Variants in ENTREP2 observed in about 807,000 individuals in gnomAD.
The protein encoded by ENTREP2 is protein ENTREP2.
chr15:29,314,818 G>A, the ENTREP2 span, among the ~76,000 whole-genome samples: 226 of 152,262 alleles, frequency 1.5e-3, no homozygotes, highest in Middle Eastern at 3.4e-3. Flanking sequence ...TTGGGAGGCC[G>A]AGGCGGGTGG....
the ENTREP2 span, among the ~76,000 whole-genome samples, chr15:29,368,046 G>C: frequency 8.6e-5 from 13 of 150,808 alleles, no homozygotes; most frequent in South Asian, 2.7e-3. Context: ...TCCCTGGCCT[G>C]GCACAGTGGC....
chr15:29,349,541 GGAA>G, the ENTREP2 span, among the ~76,000 whole-genome samples: 1 of 152,142 alleles, frequency 6.6e-6, no homozygotes, highest in East Asian at 1.9e-4. Context: ...GCCAGAAATA[GGAA>G]GAAGGCAGTG....
the ENTREP2 span, among the ~76,000 whole-genome samples, chr15:29,401,033 C>G: frequency 6.6e-6 from 1 of 152,204 alleles, no homozygotes; most frequent in Non-Finnish European, 1.5e-5. Context: ...AGCCTGGGCC[C>G]CGGAATGGAC....
chr15:29,444,937 T>C, the ENTREP2 span, among the ~76,000 whole-genome samples: 2 of 152,244 alleles, frequency 1.3e-5, no homozygotes, highest in African/African-American at 4.8e-5. Context: ...CCAATAAGGT[T>C]TAAGGATGGA....
chr15:29,354,764 G>T, the ENTREP2 span, among the ~76,000 whole-genome samples: 1 of 152,116 alleles, frequency 6.6e-6, no homozygotes, highest in African/African-American at 2.4e-5. Flanking sequence ...CAGAAAGAGA[G>T]ACTGGACCAG....
At chr15:29,520,866 A>T in the ENTREP2 span, among the ~76,000 whole-genome samples, 1 of 152,212 alleles carries the variant, frequency 6.6e-6, no homozygotes, top group Non-Finnish European at 1.5e-5. Flanking sequence ...ACAAAAGATA[A>T]GTAACTCCTG....
the ENTREP2 span, among the ~76,000 whole-genome samples, chr15:29,661,779 G>C: frequency 6.6e-6 from 1 of 152,120 alleles, no homozygotes. Context: ...TATTAAAGTA[G>C]TGTGAAAACT....
the ENTREP2 span, among the ~76,000 whole-genome samples, chr15:29,542,141 T>C: frequency 6.6e-6 from 1 of 152,146 alleles, no homozygotes; most frequent in Admixed American, 6.5e-5. Flanking sequence ...GCCTCCAGAG[T>C]AGCTGGGATT....
chr15:29,130,376 ATC>A, the ENTREP2 span, among the ~76,000 whole-genome samples: 4 of 152,278 alleles, frequency 2.6e-5, no homozygotes, highest in Admixed American at 6.5e-5. Context: ...AGTCCTGGAA[ATC>A]TCTGTCCAGA....
the ENTREP2 span, among the ~76,000 whole-genome samples, chr15:29,191,826 ATC>A: frequency 6.6e-6 from 1 of 152,126 alleles, no homozygotes; most frequent in African/African-American, 2.4e-5. Flanking sequence ...AGGTGGGAGG[ATC>A]TCTTGGGCCC....
the ENTREP2 span, chr15:29,381,682 T>C: frequency 1.6e-5 from 16 of 1,029,804 alleles, no homozygotes; most frequent in African/African-American, 1.3e-4. Context: ...TGAAAAGAAG[T>C]TGGAATTCTC....
the ENTREP2 span, among the ~76,000 whole-genome samples, chr15:29,619,673 G>A: frequency 6.6e-6 from 1 of 152,070 alleles, no homozygotes; most frequent in Non-Finnish European, 1.5e-5. Flanking sequence ...TGACTGCTCA[G>A]GAAAGAAGAG....
chr15:29,296,022 A>G, the ENTREP2 span, among the ~76,000 whole-genome samples: 543 of 152,288 alleles, frequency 3.6e-3, 4 homozygotes, highest in African/African-American at 0.012. Flanking sequence ...GCCTCAAGGG[A>G]ACAAGACTGA....
chr15:29,196,662 A>G, the ENTREP2 span: 1 of 1,325,400 alleles, frequency 7.5e-7, no homozygotes, highest in South Asian at 1.6e-5. Flanking sequence ...AAAATGGCTC[A>G]GTTCAAAGGA....
the ENTREP2 span, chr15:29,128,878 CAG>C: frequency 6.5e-7 from 1 of 1,545,258 alleles, no homozygotes; most frequent in Non-Finnish European, 8.7e-7. Context: ...CAGTAAGAAA[CAG>C]AAAGCGTCAA....
the ENTREP2 span, among the ~76,000 whole-genome samples, chr15:29,564,969 C>T: frequency 1.3e-5 from 2 of 152,122 alleles, no homozygotes; most frequent in African/African-American, 4.8e-5. Flanking sequence ...AAAACATGTT[C>T]TGAAGGGCAT....
At chr15:29,300,426 G>A in the ENTREP2 span, among the ~76,000 whole-genome samples, 1 of 149,248 alleles carries the variant, frequency 6.7e-6, no homozygotes, top group African/African-American at 2.6e-5. Flanking sequence ...TGGATGGATG[G>A]ATGGATGAGT....
chr15:29,557,734 G>A, the ENTREP2 span, among the ~76,000 whole-genome samples: 446 of 152,298 alleles, frequency 2.9e-3, 3 homozygotes, highest in African/African-American at 0.01. Flanking sequence ...TACCTAGTGG[G>A]ACCTTGTTTC....
chr15:29,597,171 G>T, the ENTREP2 span, among the ~76,000 whole-genome samples: 147 of 151,708 alleles, frequency 9.7e-4, 1 homozygote, highest in Middle Eastern at 3.4e-3. Flanking sequence ...TCTGTTTATT[G>T]TCTCTGTCGC....
Sources: allele counts gnomAD v4.1 joint callset (sites outside exome capture counted in the v4.1 genomes callset), GRCh38; gene constraint gnomAD v4.1.1; transcripts MANE v1.5; gene names NCBI Gene and HGNC (gene_info 2026-07-23, HGNC 2026-07-21).